The following PIWIL1 variants were observed in gnomAD, a reference collection of about 807,000 sequenced individuals.
The protein encoded by PIWIL1 is piwi like RNA-mediated gene silencing 1.
In PIWIL1, 73 loss-of-function variants were observed where a neutral mutation model predicts 114.4. The observed-to-expected ratio is 0.64, with a 90% CI of 0.53 to 0.78. The LOEUF (loss-of-function observed/expected upper bound fraction) is 0.78, where lower values mean the gene tolerates loss of function less well. Ranked by LOEUF, PIWIL1 falls within the 30% of genes least tolerant of loss-of-function variation. The pLI, the probability that PIWIL1 is intolerant of heterozygous loss-of-function variation, is 0.00. For synonymous variants in PIWIL1, 375 were observed against 369.0 expected (o/e 1.02, Z -0.19); for missense variants, 723 against 1,063.1 (o/e 0.68, Z 4.45).
At position 130,342,663 on chromosome 12, in the gene PIWIL1, C is replaced by T. The variant is rs761729503; in HGVS notation, c.72C>T (p.Ser24=). ...AGGAGACAGCGCAGCTGGTGGGCTC[C>T]ACTGCCGTGAGTGCTTCACCGTTTC... ...RGQETAQLVG[S]TASQQPGYIQ... The change falls in exon 2 of 21, where the codon TCC becomes TCT. Residue 24 remains serine, a synonymous_variant. Transcript: ENST00000245255. 6.2e-7 allele frequency: 1 copy of T among 1,611,592 alleles called. No individual in the cohort carries two copies. Among genetic ancestry groups the T allele is most frequent in the Admixed American group, 1.7e-5 (1 of 60,008 alleles).
chr12:130,406,563 T>G, the PIWIL1 span, among the ~76,000 whole-genome samples: 1 of 152,226 alleles, frequency 6.6e-6, no homozygotes, highest in African/African-American at 2.4e-5. Flanking sequence ...CCTGGAATAT[T>G]AGGGAAATGT....
the PIWIL1 span, chr12:130,396,258 A>C: frequency 6.5e-6 from 1 of 152,820 alleles, no homozygotes; most frequent in East Asian, 1.9e-4. Flanking sequence ...ATACTATTAT[A>C]TTACAATTTA....
chr12:130,350,701 C>T (rs1370312598), intron 9 of PIWIL1, among the ~76,000 whole-genome samples: 2 of 152,224 alleles, frequency 1.3e-5, no homozygotes, highest in Non-Finnish European at 2.9e-5. Context: ...TTCTAGAAAA[C>T]TATCAATTAA....
At chr12:130,340,353 T>C (rs1469133794) in intron 1 of PIWIL1, among the ~76,000 whole-genome samples, 1 of 152,070 alleles carries the variant, frequency 6.6e-6, no homozygotes, top group Non-Finnish European at 1.5e-5. Flanking sequence ...ACCGATTTCC[T>C]GGAAGACAAT....
chr12:130,343,332 T>C (rs543213158), intron 3 of PIWIL1, among the ~76,000 whole-genome samples: 55 of 152,216 alleles, frequency 3.6e-4, no homozygotes, highest in African/African-American at 1.3e-3. Flanking sequence ...TTACTCAGGA[T>C]TGCAAATTTA....
In PIWIL1 at chr12:130,343,090, C is replaced by T. The variant is rs1306314731; in HGVS notation, c.179C>T (p.Ala60Val). Reference sequence around the variant, plus strand: ...CAGAGAGGAACAGCAGGAGGAACAGCCAAGTCACAAGGTGAAGAGAAAGTA... The same window carrying T: ...CAGAGAGGAACAGCAGGAGGAACAGTCAAGTCACAAGGTGAAGAGAAAGTA... The part of the protein sequence containing the change: ...GRQRGTAGGT[A>V]KSQGLQISAG... Residue 60 changes from alanine to valine, a missense_variant, in exon 3 of 21, where the codon GCC (alanine) becomes GTC (valine). Coordinates refer to ENST00000245255, the MANE Select transcript of PIWIL1 (RefSeq NM_004764.5). 2 of 1,611,990 alleles carry T rather than the reference C, an allele frequency of 1.2e-6. No individual in the cohort carries two copies. Among genetic ancestry groups the T allele is most frequent in the Non-Finnish European group, 1.7e-6 (2 of 1,178,592 alleles).
chr12:130,363,612 C>CTGTT (rs2073573542), intron 18 of PIWIL1, among the ~76,000 whole-genome samples: 1 of 82,382 alleles, frequency 1.2e-5, no homozygotes, highest in African/African-American at 5.1e-5. Context: ...TACTTTCTCC[C>CTGTT]TTTTTTTTTT....
chr12:130,371,061 A>G lies in PIWIL1; in HGVS notation c.2322-115A>G, dbSNP rs573089345. ...GAAGCACGTTACAGCGTGAGAAGAG[A>G]TGAGGTTACTGTAGTAACTTACAGT... is the stretch of plus-strand genomic sequence containing the variant. On this transcript the variant is annotated intron_variant, in intron 19 of 20. Transcript: ENST00000245255. The G allele has an allele frequency of 1.2e-4, 102 of 832,492 alleles. 1 individual carries two copies. In the South Asian group the frequency reaches 1.5e-3, roughly 12 times the overall value. The allele number at this position is 832,492 out of a possible 1,614,324, so 51.6% of individuals were successfully genotyped here. A position where few individuals can be genotyped will look rare whatever the true frequency, so the allele number is the denominator to read the frequency against.
rs372131901 is a variant in PIWIL1 at position 130,356,407 on chromosome 12, C to A, written c.1405-511C>A. The stretch of plus-strand genomic sequence containing the variant: ...ACGCTATCCCCTGCGTGAGGCCAGG[C>A]AGGGAGGTGGCCAGGACACGCAGAA... On this transcript the variant is annotated intron_variant, in intron 12 of 20. Coordinates refer to ENST00000245255, the MANE Select transcript of PIWIL1 (RefSeq NM_004764.5). Among the ~76,000 whole-genome samples the A allele has an allele frequency of 2.6e-3, 393 of 151,890 alleles. 1 individual carries two copies. Among genetic ancestry groups the A allele is most frequent in the African/African-American group, 8.2e-3 (340 of 41,420 alleles).
At chr12:130,424,132 G>C in the PIWIL1 span, 2 of 1,221,018 alleles carry the variant, frequency 1.6e-6, no homozygotes, top group Non-Finnish European at 1.0e-6. This position sits in a 1 kb window ranked among gnomAD's most constrained non-coding sequence, Gnocchi z 9.8. Flanking sequence ...AGGAAGTTTA[G>C]GTCACACACC....
chr12:130,341,361 A>G (rs1293049892), intron 1 of PIWIL1, among the ~76,000 whole-genome samples: 1 of 152,252 alleles, frequency 6.6e-6, no homozygotes, highest in Non-Finnish European at 1.5e-5. Context: ...TTTCAGCTTA[A>G]ATCTTGTTAG....
chr12:130,357,589 GA>G, intron 14 of PIWIL1, 36 bp downstream of exon 14: 1 of 1,419,124 alleles, frequency 7.0e-7, no homozygotes, highest in South Asian at 1.2e-5. Flanking sequence ...AGTTTTCGGT[GA>G]AAGAGCTTTT....
At chr12:130,359,953 T>G (rs1465314433) in intron 14 of PIWIL1, among the ~76,000 whole-genome samples, 30 of 152,242 alleles carry the variant, frequency 2.0e-4, no homozygotes, top group Admixed American at 1.9e-3. Context: ...TTTATATCCT[T>G]GGCTATTTTA....
downstream of PIWIL1, among the ~76,000 whole-genome samples, chr12:130,374,897 C>G (rs554853442): frequency 6.6e-6 from 1 of 152,292 alleles, no homozygotes; most frequent in African/African-American, 2.4e-5. Context: ...TTTACATCTC[C>G]CTTTAACAAA....
chr12:130,352,754 C>T (rs2073247577), intron 9 of PIWIL1, among the ~76,000 whole-genome samples: 1 of 152,170 alleles, frequency 6.6e-6, no homozygotes, highest in Non-Finnish European at 1.5e-5. Context: ...AGTACAAGTT[C>T]TGTATCAGGA....
intron 4 of PIWIL1, among the ~76,000 whole-genome samples, 182 bp downstream of exon 4, chr12:130,346,060 G>A (rs772876204): frequency 8.5e-5 from 13 of 152,152 alleles, no homozygotes; most frequent in African/African-American, 2.4e-4. Context: ...ATTTTGAAAC[G>A]TCATCTCATT....
the PIWIL1 span, chr12:130,425,045 G>C: frequency 2.5e-6 from 1 of 401,986 alleles, no homozygotes; most frequent in Non-Finnish European, 4.3e-6. Flanking sequence ...AATGGGTTAC[G>C]GGGCTGGGGC....
chr12:130,424,969 A>G, the PIWIL1 span: 34 of 512,956 alleles, frequency 6.6e-5, no homozygotes, highest in South Asian at 2.4e-3. The surrounding 1 kb of genome is among the most constrained non-coding windows in gnomAD (Gnocchi z 9.8). Context: ...GGAGGCACCG[A>G]GGGGGGGGAA....
chr12:130,338,028 G>C lies in PIWIL1; in HGVS notation c.-131G>C, dbSNP rs867650289. 27 of 176,866 alleles carry C rather than the reference G, an allele frequency of 1.5e-4. No homozygotes were observed. Among genetic ancestry groups the C allele is most frequent in the South Asian group, 7.9e-4 (7 of 8,828 alleles). The allele number at this position is 176,866 out of a possible 1,614,324, so 11.0% of individuals were successfully genotyped here. ...CCAGCGCCGAAGGCGAGGTGGGCGC[G>C]GGCCGAAGGAGGTCCTGGGAGGTCG... On this transcript the variant is annotated 5_prime_UTR_variant, in exon 1 of 21. Transcript: ENST00000245255.
Sources: gnomAD v4.1 joint callset for allele counts (sites outside exome capture counted in the v4.1 genomes callset) on GRCh38, gnomAD v4.1.1 for gene constraint, Gnocchi (gnomAD v3.1) non-coding constraint, MANE v1.5 for transcripts, NCBI Gene and HGNC (gene_info 2026-07-23, HGNC 2026-07-21) for gene names.